The following AGBL4 variants were observed in gnomAD, a reference collection of about 807,000 sequenced individuals.
The protein encoded by AGBL4 is AGBL carboxypeptidase 4.
Under a neutral mutation model 66.4 loss-of-function variants are expected in AGBL4, and 58 were observed. The ratio of observed to expected loss-of-function variants is 0.87; its 90% confidence interval spans 0.71 to 1.09. The LOEUF (loss-of-function observed/expected upper bound fraction) is 1.09, where lower values mean the gene tolerates loss of function less well. Among genes scored for constraint, AGBL4 ranks in the 50% least tolerant of loss-of-function variants. The probability of loss-of-function intolerance (pLI) is 0.00; values close to 1 mark genes in which losing one functional copy is unlikely to be tolerated. For missense variants in AGBL4, 579 were observed against 631.0 expected, an observed-to-expected ratio of 0.92 and a Z score of 0.88; for synonymous variants, 234 against 222.9, an observed-to-expected ratio of 1.05 and a Z score of -0.44.
At chr1:48,579,980 T>C (rs1644715070) in intron 11 of AGBL4, among the ~76,000 whole-genome samples, 1 of 149,292 alleles carries the variant, frequency 6.7e-6, no homozygotes, top group African/African-American at 2.5e-5. Flanking sequence ...CATGTTAAAA[T>C]GGGACTTCTA....
intron 3 of AGBL4, among the ~76,000 whole-genome samples, chr1:49,369,644 T>C (rs1644302507): frequency 6.6e-6 from 1 of 152,120 alleles, no homozygotes; most frequent in Admixed American, 6.5e-5. Context: ...GTTGCTAAAA[T>C]TCACAGGGTC....
At chr1:49,363,137 G>A (rs1644176082) in intron 3 of AGBL4, among the ~76,000 whole-genome samples, 1 of 152,164 alleles carries the variant, frequency 6.6e-6, no homozygotes, top group Non-Finnish European at 1.5e-5. Flanking sequence ...CTAAAGACAA[G>A]CTTTAGAAAA....
At chr1:48,785,684 A>T (rs551211703) in intron 6 of AGBL4, among the ~76,000 whole-genome samples, 1 of 152,328 alleles carries the variant, frequency 6.6e-6, no homozygotes, top group South Asian at 2.1e-4. Context: ...ATAATAACAT[A>T]ATAGTAGCAG....
chr1:48,944,617 G>A (rs767745906), intron 5 of AGBL4, among the ~76,000 whole-genome samples: 2 of 152,158 alleles, frequency 1.3e-5, no homozygotes, highest in Non-Finnish European at 1.5e-5. Context: ...GCGTGCCCAC[G>A]CCAGGCCTCA....
chr1:49,271,964 C>T (rs753480304), intron 3 of AGBL4, among the ~76,000 whole-genome samples: 36 of 152,224 alleles, frequency 2.4e-4, no homozygotes, highest in Non-Finnish European at 4.0e-4. Context: ...GAAAACTTGG[C>T]CTTTGTGTGT....
intron 1 of AGBL4, among the ~76,000 whole-genome samples, chr1:49,917,897 G>A (rs1651732944): frequency 6.6e-6 from 1 of 152,158 alleles, no homozygotes; most frequent in Non-Finnish European, 1.5e-5. Flanking sequence ...TCAGACCACA[G>A]TGCAATCAAA....
intron 2 of AGBL4, among the ~76,000 whole-genome samples, chr1:49,744,593 A>C (rs1396874494): frequency 6.6e-6 from 1 of 152,176 alleles, no homozygotes; most frequent in East Asian, 1.9e-4. Flanking sequence ...TATTAATAGT[A>C]ACTTGAATGC....
intron 1 of AGBL4, among the ~76,000 whole-genome samples, chr1:49,979,935 G>A (rs1327298436): frequency 1.3e-5 from 2 of 152,124 alleles, no homozygotes; most frequent in Non-Finnish European, 2.9e-5. Context: ...GATTCATCTT[G>A]TAAACAGACA....
At chr1:49,811,292 T>C (rs956090920) in intron 2 of AGBL4, among the ~76,000 whole-genome samples, 2 of 152,196 alleles carry the variant, frequency 1.3e-5, no homozygotes, top group South Asian at 4.1e-4. Context: ...AGGATTCCAG[T>C]CTGCATTTCA....
At chr1:48,807,588 T>G (rs369062017) in intron 6 of AGBL4, among the ~76,000 whole-genome samples, 1 of 152,196 alleles carries the variant, frequency 6.6e-6, no homozygotes, top group Non-Finnish European at 1.5e-5. Context: ...GGCCAACTAT[T>G]CTCAGCGTGT....
At chr1:49,123,437 G>C (rs939855258) in intron 4 of AGBL4, among the ~76,000 whole-genome samples, 4 of 152,088 alleles carry the variant, frequency 2.6e-5, no homozygotes, top group Non-Finnish European at 5.9e-5. Flanking sequence ...ACAGAAAATA[G>C]CCTAAAATTA....
At chr1:49,615,028 A>G (rs1645225253) in intron 3 of AGBL4, among the ~76,000 whole-genome samples, 1 of 152,164 alleles carries the variant, frequency 6.6e-6, no homozygotes, top group Non-Finnish European at 1.5e-5. Flanking sequence ...GAGATATAGA[A>G]CAATTTAGTA....
chr1:49,274,624 G>A (rs936960031), intron 3 of AGBL4, among the ~76,000 whole-genome samples: 2 of 152,134 alleles, frequency 1.3e-5, no homozygotes, highest in South Asian at 2.1e-4. Context: ...ATCAGATACA[G>A]TACAAAATTT....
intron 5 of AGBL4, among the ~76,000 whole-genome samples, chr1:48,912,908 G>A (rs1215831076): frequency 1.3e-5 from 2 of 152,156 alleles, no homozygotes; most frequent in Non-Finnish European, 2.9e-5. Context: ...ATAAGAGTCA[G>A]TGAAAGTGTC....
chr1:49,463,235 T>C (rs1646553524), intron 3 of AGBL4, among the ~76,000 whole-genome samples: 1 of 151,696 alleles, frequency 6.6e-6, no homozygotes, highest in Non-Finnish European at 1.5e-5. Context: ...CAAATTGACT[T>C]GACTCTAGCC....
chr1:49,687,889 A>G (rs1189081299), intron 3 of AGBL4, among the ~76,000 whole-genome samples: 1 of 152,194 alleles, frequency 6.6e-6, no homozygotes, highest in East Asian at 1.9e-4. Context: ...CATATCCTCT[A>G]CATATTGAAT....
At chr1:48,605,544 C>A (rs1292205312) in intron 9 of AGBL4, among the ~76,000 whole-genome samples, 6 of 152,196 alleles carry the variant, frequency 3.9e-5, no homozygotes, top group Non-Finnish European at 8.8e-5. Flanking sequence ...CTCAACCCTT[C>A]TTTTTTATTG....
intron 2 of AGBL4, among the ~76,000 whole-genome samples, chr1:49,785,242 A>G (rs1179550182): frequency 2.0e-5 from 3 of 152,036 alleles, no homozygotes; most frequent in Non-Finnish European, 4.4e-5. Flanking sequence ...CCAAAGAGAA[A>G]TAAGTTTCAA....
At chr1:48,636,145 A>C (rs1311661639) in intron 8 of AGBL4, among the ~76,000 whole-genome samples, 4 of 152,196 alleles carry the variant, frequency 2.6e-5, no homozygotes, top group Admixed American at 2.6e-4. Context: ...CAGTTCCCAG[A>C]AGTAGAATTG....
Sources: allele counts gnomAD v4.1 joint callset (sites outside exome capture counted in the v4.1 genomes callset), GRCh38; gene constraint gnomAD v4.1.1; transcripts MANE v1.5; gene names NCBI Gene and HGNC (gene_info 2026-07-23, HGNC 2026-07-21).